Variants in SFXN5 observed in about 807,000 individuals in gnomAD.
The protein encoded by SFXN5 is sideroflexin-5.
SFXN5 carries 43 observed loss-of-function variants against 50.2 expected under a neutral mutation model. That is an observed-to-expected ratio of 0.86 (90% confidence interval 0.67 to 1.11). The LOEUF (loss-of-function observed/expected upper bound fraction) is 1.11, where lower values mean the gene tolerates loss of function less well. SFXN5 is among the 50% of genes least tolerant of loss of function. SFXN5 has a pLI of 0.00. For synonymous variants in SFXN5, 203 were observed against 185.8 expected, an observed-to-expected ratio of 1.09 and a Z score of -0.75; for missense variants, 463 against 454.1, an observed-to-expected ratio of 1.02 and a Z score of -0.18.
intron 12 of SFXN5, among the ~76,000 whole-genome samples, chr2:72,962,844 G>A (rs186575147): frequency 6.6e-6 from 1 of 152,234 alleles, no homozygotes; most frequent in African/African-American, 2.4e-5. Context: ...TGCTAAATCC[G>A]GCCTGAATTA....
chr2:73,000,061 T>C (rs1346726219), intron 8 of SFXN5, among the ~76,000 whole-genome samples: 1 of 152,190 alleles, frequency 6.6e-6, no homozygotes, highest in Admixed American at 6.5e-5. Flanking sequence ...GAGGAAGCTT[T>C]ATGGGAATTT....
intron 2 of SFXN5, among the ~76,000 whole-genome samples, chr2:73,052,511 G>C (rs1266240919): frequency 6.6e-6 from 1 of 152,018 alleles, no homozygotes; most frequent in East Asian, 1.9e-4. Flanking sequence ...CTCCCCATCA[G>C]TATAATTATT....
intron 10 of SFXN5, among the ~76,000 whole-genome samples, chr2:72,975,265 G>A (rs1346617058): frequency 6.6e-6 from 1 of 152,226 alleles, no homozygotes; most frequent in Non-Finnish European, 1.5e-5. Flanking sequence ...AAGGGGCAGT[G>A]TGGGGAGGAA....
intron 1 of SFXN5, 116 bp downstream of exon 1, chr2:73,071,488 T>C (rs1041964934): frequency 3.3e-6 from 3 of 916,512 alleles, no homozygotes; most frequent in Non-Finnish European, 4.9e-6. Context: ...TGGCGCTAGC[T>C]GCAGGCTCCG....
intron 10 of SFXN5, 101 bp downstream of exon 10, chr2:72,988,157 G>C: frequency 9.4e-7 from 1 of 1,061,110 alleles, no homozygotes. Flanking sequence ...GGTGCCCCCT[G>C]GGCATCAGGA....
chr2:73,004,708 G>A (rs564381169), intron 6 of SFXN5, among the ~76,000 whole-genome samples: 9 of 152,146 alleles, frequency 5.9e-5, no homozygotes, highest in African/African-American at 2.2e-4. Flanking sequence ...GGAGCCTTAG[G>A]GGGCCATGTG....
chr2:73,006,066 G>A (rs774156456), intron 6 of SFXN5, among the ~76,000 whole-genome samples: 58 of 152,126 alleles, frequency 3.8e-4, no homozygotes, highest in Admixed American at 1.3e-4. Flanking sequence ...CTGACAGCAC[G>A]TGGGAGGACG....
chr2:72,979,632 T>C (rs1671056289), intron 10 of SFXN5, among the ~76,000 whole-genome samples: 1 of 152,178 alleles, frequency 6.6e-6, no homozygotes, highest in Admixed American at 6.5e-5. Flanking sequence ...AGACTCCGTC[T>C]ATAAATAAAT....
intron 10 of SFXN5, among the ~76,000 whole-genome samples, chr2:72,974,855 G>GAGA (rs1553510834): frequency 1.4e-5 from 2 of 143,906 alleles, no homozygotes; most frequent in African/African-American, 2.6e-5. Flanking sequence ...GAGAGAGAGA[G>GAGA]AAAAAAAAAA....
intron 6 of SFXN5, among the ~76,000 whole-genome samples, chr2:73,016,949 C>A (rs972367241): frequency 6.6e-6 from 1 of 152,122 alleles, no homozygotes; most frequent in East Asian, 1.9e-4. Context: ...GGGTTGTTTA[C>A]CCCCGTGATC....
At chr2:72,989,901 C>T (rs998823789) in intron 9 of SFXN5, among the ~76,000 whole-genome samples, 2 of 152,208 alleles carry the variant, frequency 1.3e-5, no homozygotes, top group Non-Finnish European at 2.9e-5. Context: ...CCTGGCCTGA[C>T]GGGCCGGGGC....
At position 72,963,891 on chromosome 2, in the gene SFXN5, T is replaced by C. The variant is rs114486523; in HGVS notation, c.828-2643A>G. 4.1e-3 allele frequency among the ~76,000 whole-genome samples: 628 copies of C among 152,194 alleles called. 3 individuals carry two copies. Among genetic ancestry groups the C allele is most frequent in the African/African-American group, 0.014 (602 of 41,532 alleles). On this transcript the variant is annotated intron_variant, in intron 12 of 13. Transcript: ENST00000272433. Reference sequence around the variant, plus strand: ...GTGTCAAGTGTGAACCCCTGGAGCATTCAGGGGAGCTGGAGGGTGGTGGAG... The same window carrying C: ...GTGTCAAGTGTGAACCCCTGGAGCACTCAGGGGAGCTGGAGGGTGGTGGAG...
At chr2:72,991,526 C>T (rs991719334) in intron 9 of SFXN5, among the ~76,000 whole-genome samples, 21 of 152,240 alleles carry the variant, frequency 1.4e-4, no homozygotes, top group African/African-American at 1.9e-4. Context: ...GGCGTGGACA[C>T]GGAAAAGGCA....
intron 3 of SFXN5, among the ~76,000 whole-genome samples, chr2:73,024,427 CAGG>C (rs1221368679): frequency 6.6e-5 from 10 of 152,270 alleles, no homozygotes; most frequent in Non-Finnish European, 1.0e-4. Context: ...GAGGCCAAAG[CAGG>C]AGGATTGCTG....
intron 2 of SFXN5, among the ~76,000 whole-genome samples, chr2:73,050,963 A>G (rs1681237923): frequency 6.6e-6 from 1 of 152,240 alleles, no homozygotes; most frequent in Non-Finnish European, 1.5e-5. Context: ...TGCTGCTTAG[A>G]GATTTCTGCC....
At chr2:73,030,331 A>G (rs1352521378) in intron 3 of SFXN5, among the ~76,000 whole-genome samples, 3 of 151,970 alleles carry the variant, frequency 2.0e-5, no homozygotes, top group African/African-American at 7.3e-5. Flanking sequence ...TTCCGACCAA[A>G]ACCCTTGAAT....
At chr2:73,040,595 C>A (rs966728039) in intron 3 of SFXN5, among the ~76,000 whole-genome samples, 1 of 152,240 alleles carries the variant, frequency 6.6e-6, no homozygotes, top group Non-Finnish European at 1.5e-5. Context: ...AATCAGCTCT[C>A]GCAAGCCAGT....
intron 10 of SFXN5, among the ~76,000 whole-genome samples, chr2:72,986,260 T>C (rs1180509046): frequency 2.0e-5 from 3 of 152,208 alleles, no homozygotes; most frequent in East Asian, 3.9e-4. Flanking sequence ...AATTCATTAG[T>C]CTCTGGGTCA....
chr2:72,965,465 A>G (rs1457115397), intron 12 of SFXN5, among the ~76,000 whole-genome samples: 1 of 152,206 alleles, frequency 6.6e-6, no homozygotes, highest in Non-Finnish European at 1.5e-5. Context: ...CCTCGCGATA[A>G]GGCAGGGGTC....
Sources: gnomAD v4.1 joint callset for allele counts (sites outside exome capture counted in the v4.1 genomes callset) on GRCh38, gnomAD v4.1.1 for gene constraint, MANE v1.5 for transcripts, NCBI Gene and HGNC (gene_info 2026-07-23, HGNC 2026-07-21) for gene names.